Variants in OLFM3 observed in about 807,000 individuals in gnomAD.
OLFM3 encodes noelin-3.
In OLFM3, 20 loss-of-function variants were observed where a neutral mutation model predicts 48.6. The ratio of observed to expected loss-of-function variants is 0.41; its 90% CI spans 0.29 to 0.60. OLFM3 has a LOEUF of 0.60. Among genes scored for constraint, OLFM3 ranks in the 20% least tolerant of loss-of-function variants. The probability of loss-of-function intolerance (pLI) is 0.28; values close to 1 mark genes in which losing one functional copy is unlikely to be tolerated. For synonymous variants in OLFM3, 222 were observed against 198.1 expected (o/e 1.12, Z -1.01); for missense variants, 437 against 544.3 (o/e 0.80, Z 1.96).
intron 1 of OLFM3, among the ~76,000 whole-genome samples, chr1:101,881,807 G>T (rs1219967070): frequency 1.3e-5 from 2 of 151,338 alleles, no homozygotes; most frequent in Non-Finnish European, 3.0e-5. Context: ...CATTTTGGCT[G>T]CAGTATTGGT....
chr1:101,863,472 T>C (rs1322106295), intron 1 of OLFM3, among the ~76,000 whole-genome samples: 1 of 152,224 alleles, frequency 6.6e-6, no homozygotes, highest in Non-Finnish European at 1.5e-5. Flanking sequence ...TTTGACCATT[T>C]CTCTTATGAT....
chr1:101,988,700 A>T (rs1289868344), intron 1 of OLFM3, among the ~76,000 whole-genome samples: 1 of 152,090 alleles, frequency 6.6e-6, no homozygotes, highest in African/African-American at 2.4e-5. Context: ...TCAATAAGAC[A>T]CTGTGCTAGC....
At chr1:101,931,182 C>G (rs973078018) in intron 1 of OLFM3, among the ~76,000 whole-genome samples, 1 of 152,210 alleles carries the variant, frequency 6.6e-6, no homozygotes, top group Non-Finnish European at 1.5e-5. Context: ...AATAAGCTCT[C>G]ATGACCTCAC....
At chr1:101,902,295 G>T (rs1042704687) in intron 1 of OLFM3, among the ~76,000 whole-genome samples, 8 of 152,008 alleles carry the variant, frequency 5.3e-5, no homozygotes, top group African/African-American at 1.9e-4. Flanking sequence ...ACTGAATCCT[G>T]ATTATAATGG....
chr1:101,914,287 T>C (rs1156476881), intron 1 of OLFM3, among the ~76,000 whole-genome samples: 2 of 152,182 alleles, frequency 1.3e-5, no homozygotes, highest in Non-Finnish European at 2.9e-5. Context: ...TACTGTGTAC[T>C]GCCCACACCC....
intron 1 of OLFM3, among the ~76,000 whole-genome samples, chr1:101,875,041 C>T (rs558976626): frequency 3.4e-4 from 51 of 151,970 alleles, no homozygotes; most frequent in African/African-American, 1.1e-3. Flanking sequence ...TATTTCTGAC[C>T]TCATAGTCCT....
chr1:101,944,888 A>C (rs1427051477), intron 1 of OLFM3, among the ~76,000 whole-genome samples: 2 of 152,024 alleles, frequency 1.3e-5, no homozygotes, highest in Non-Finnish European at 2.9e-5. Context: ...TCAAAAAAAA[A>C]AAAAAGTTCC....
At chr1:101,889,409 G>C (rs866984470) in intron 1 of OLFM3, among the ~76,000 whole-genome samples, 1 of 152,008 alleles carries the variant, frequency 6.6e-6, no homozygotes, top group African/African-American at 2.4e-5. Context: ...AGGACAGAAA[G>C]CGAAACACCG....
chr1:101,878,484 A>C (rs1295760147), intron 1 of OLFM3, among the ~76,000 whole-genome samples: 2 of 151,878 alleles, frequency 1.3e-5, no homozygotes, highest in East Asian at 3.9e-4. Flanking sequence ...TGATAAATTT[A>C]TATTCTACAT....
chr1:101,942,335 A>G (rs1406407473), intron 1 of OLFM3, among the ~76,000 whole-genome samples: 1 of 152,230 alleles, frequency 6.6e-6, no homozygotes. Context: ...TGTAACAATC[A>G]GGTTTAATAA....
At chr1:101,948,479 G>A (rs566539772) in intron 1 of OLFM3, among the ~76,000 whole-genome samples, 193 of 150,412 alleles carry the variant, frequency 1.3e-3, no homozygotes, top group Non-Finnish European at 2.4e-3. Flanking sequence ...GAGAGTTTTC[G>A]CTTAAGACTT....
intron 1 of OLFM3, among the ~76,000 whole-genome samples, chr1:101,871,050 A>G (rs1166146326): frequency 1.3e-5 from 2 of 152,142 alleles, no homozygotes; most frequent in Non-Finnish European, 2.9e-5. Context: ...ACTCTTGTAC[A>G]TACTCAGTCA....
At chr1:101,923,518 T>C (rs1283624727) in intron 1 of OLFM3, among the ~76,000 whole-genome samples, 1 of 152,158 alleles carries the variant, frequency 6.6e-6, no homozygotes, top group Non-Finnish European at 1.5e-5. Flanking sequence ...AGTGGAGTAA[T>C]TAAAGCACGG....
chr1:101,965,319 G>A (rs771080837), intron 1 of OLFM3, among the ~76,000 whole-genome samples: 16 of 152,130 alleles, frequency 1.1e-4, no homozygotes, highest in African/African-American at 2.2e-4. Flanking sequence ...ATTAAAATGC[G>A]GGCTGCAGAA....
intron 1 of OLFM3, among the ~76,000 whole-genome samples, chr1:101,918,814 T>A (rs2101035960): frequency 6.6e-6 from 1 of 152,324 alleles, no homozygotes; most frequent in Non-Finnish European, 1.5e-5. Flanking sequence ...ATTTTAGATG[T>A]AAACACTGAC....
chr1:101,898,085 A>T (rs1658264464), intron 1 of OLFM3, among the ~76,000 whole-genome samples: 1 of 152,158 alleles, frequency 6.6e-6, no homozygotes, highest in Non-Finnish European at 1.5e-5. Context: ...AAAAGAAATA[A>T]TTCACCCTTC....
intron 1 of OLFM3, chr1:101,910,157 T>A: frequency 1.0e-6 from 1 of 984,896 alleles, no homozygotes; most frequent in Non-Finnish European, 1.2e-6. Context: ...GTTTATCGAG[T>A]ATCTATCATG....
At chr1:101,829,094 A>G (rs1385656801) in intron 3 of OLFM3, among the ~76,000 whole-genome samples, 2 of 152,194 alleles carry the variant, frequency 1.3e-5, no homozygotes, top group African/African-American at 4.8e-5. Context: ...TGTCTTTCAT[A>G]GAAGACAGAT....
At chr1:101,875,707 T>C (rs1026453516) in intron 1 of OLFM3, among the ~76,000 whole-genome samples, 1 of 151,964 alleles carries the variant, frequency 6.6e-6, no homozygotes. Flanking sequence ...ATCAGACCAC[T>C]TGTCTCCATT....
Sources: allele counts gnomAD v4.1 joint callset (sites outside exome capture counted in the v4.1 genomes callset), GRCh38; gene constraint gnomAD v4.1.1; transcripts MANE v1.5; gene names NCBI Gene and HGNC (gene_info 2026-07-23, HGNC 2026-07-21).